PLA2G2F: variants seen among roughly 807,000 people sequenced by gnomAD.
PLA2G2F encodes group IIF secretory phospholipase A2.
In PLA2G2F, 17 loss-of-function variants were observed where a neutral mutation model predicts 15.9. That is an observed-to-expected ratio of 1.07 (90% CI 0.73 to 1.60). The LOEUF (loss-of-function observed/expected upper bound fraction) is 1.60. PLA2G2F is among the 40% of genes most tolerant of loss of function. The pLI is 0.00. For missense variants in PLA2G2F, 299 were observed against 278.2 expected (o/e 1.07, Z -0.53); for synonymous variants, 119 against 106.5 (o/e 1.12, Z -0.72).
chr1:20,146,588 C>A (rs1222838400), intron 4 of PLA2G2F, among the ~76,000 whole-genome samples: 1 of 152,216 alleles, frequency 6.6e-6, no homozygotes, highest in Non-Finnish European at 1.5e-5. Flanking sequence ...TGGGCAACCA[C>A]TGGGCCCTCT....
At chr1:20,146,921 C>T (rs1034553401) in intron 4 of PLA2G2F, among the ~76,000 whole-genome samples, 12 of 152,144 alleles carry the variant, frequency 7.9e-5, no homozygotes, top group African/African-American at 2.4e-4. Context: ...TTCTGGGAAT[C>T]CCTGGGGCCA....
Position 20,148,330 on chromosome 1 carries a change from A to T in PLA2G2F, c.565A>T (p.Ser189Cys), listed in dbSNP as rs1381172385. ...VYCQGPTPNCSIYEPPPEEVT... is the reference protein window; with the variant it reads ...VYCQGPTPNCCIYEPPPEEVT... ...CTGCCAGGGCCCCACGCCCAACTGC[A>T]GCATCTATGAACCGCCCCCTGAGGA... The change falls in exon 5 of 5, where the codon AGC (serine) becomes TGC (cysteine). Residue 189 changes from serine (S) to cysteine (C), a missense_variant. Physicochemically the swap from Ser to Cys is moderately radical, Grantham distance 112. Coordinates refer to ENST00000375102, the MANE Select transcript of PLA2G2F (RefSeq NM_022819.4). 2 of 1,613,896 alleles carry T rather than the reference A, an allele frequency of 1.2e-6. No homozygotes were observed. The highest frequency in any genetic ancestry group is 2.7e-5 in the African/African-American group (2 of 74,854).
Position 20,139,993 on chromosome 1 carries a change from G to A in PLA2G2F, c.117-173G>A, listed in dbSNP as rs573280808. ...CTCCTGGCTCTGCCATCTGGGGTGCGCTCCTCCAGGAGGGGCTGGGCAGGT... is the reference window on the plus strand; with the variant it reads ...CTCCTGGCTCTGCCATCTGGGGTGCACTCCTCCAGGAGGGGCTGGGCAGGT... On this transcript the variant is annotated intron_variant, in intron 1 of 4. Coordinates refer to ENST00000375102, the MANE Select transcript of PLA2G2F (RefSeq NM_022819.4). Among the ~76,000 whole-genome samples the A allele has an allele frequency of 5.3e-5, 8 of 152,184 alleles. No homozygotes were observed. In the South Asian group the frequency reaches 1.0e-3, roughly 20 times the overall value.
In PLA2G2F at chr1:20,148,337, A is replaced by G. The variant is rs2100697947; in HGVS notation, c.572A>G (p.Tyr191Cys). 2 of 1,613,948 alleles carry G rather than the reference A, an allele frequency of 1.2e-6. No individual in the cohort carries two copies. Among genetic ancestry groups the G allele is most frequent in the South Asian group, 2.2e-5 (2 of 91,068 alleles). ...GGCCCCACGCCCAACTGCAGCATCT[A>G]TGAACCGCCCCCTGAGGAGGTCACC... ...CQGPTPNCSI[Y>C]EPPPEEVTCS... The change falls in exon 5 of 5, where the codon TAT becomes TGT. Residue 191 changes from tyrosine (Y) to cysteine (C), a missense_variant. Physicochemically the swap from Tyr to Cys is radical, Grantham distance 194 (BLOSUM62 -2). Coordinates refer to ENST00000375102, the MANE Select transcript of PLA2G2F (RefSeq NM_022819.4).
intron 4 of PLA2G2F, among the ~76,000 whole-genome samples, chr1:20,146,631 T>G (rs1251656227): frequency 6.6e-6 from 1 of 152,248 alleles, no homozygotes; most frequent in East Asian, 1.9e-4. Flanking sequence ...TGGTACCAGT[T>G]GTTGCTTATT....
At chr1:20,147,360 T>C (rs2017634113) in intron 4 of PLA2G2F, among the ~76,000 whole-genome samples, 1 of 152,176 alleles carries the variant, frequency 6.6e-6, no homozygotes, top group African/African-American at 2.4e-5. Flanking sequence ...ACAGTAGCAT[T>C]TGCCCTGGAT....
chr1:20,147,368 G>T (rs2017634218), intron 4 of PLA2G2F, among the ~76,000 whole-genome samples: 1 of 152,050 alleles, frequency 6.6e-6, no homozygotes, highest in African/African-American at 2.4e-5. Flanking sequence ...ATTTGCCCTG[G>T]ATTAGGCATG....
In PLA2G2F at chr1:20,148,177, C is replaced by T. The variant is rs991481457; in HGVS notation, c.425-13C>T. 1.2e-6 allele frequency: 2 copies of T among 1,611,950 alleles called. No individual in the cohort carries two copies. Among genetic ancestry groups the T allele is most frequent in the African/African-American group, 2.7e-5 (2 of 74,854 alleles). On this transcript the variant is annotated splice_polypyrimidine_tract_variant and intron_variant, in intron 4 of 4. Coordinates refer to ENST00000375102, the MANE Select transcript of PLA2G2F (RefSeq NM_022819.4). The stretch of plus-strand genomic sequence containing the variant: ...CTTTCATCCACAGCCTTTGCCACCC[C>T]ATCCCCCTGTAGGTGACCTCAACAA...
rs553024352 is a variant in PLA2G2F, at chr1:20,140,030, C to A, written c.117-136C>A. 1.2e-5 allele frequency: 11 copies of A among 914,716 alleles called. 2 individuals are homozygous for A. The highest frequency in any genetic ancestry group is 9.9e-5 in the South Asian group (6 of 60,676). The allele number at this position is 914,716 out of a possible 1,614,324, so 56.7% of individuals were successfully genotyped here. A position where few individuals can be genotyped will look rare whatever the true frequency, so the allele number is the denominator to read the frequency against. On this transcript the variant is annotated intron_variant, in intron 1 of 4. Coordinates refer to ENST00000375102, the MANE Select transcript of PLA2G2F (RefSeq NM_022819.4). ...GGGGCTGGGCAGGTACTGATGACAGCGCTAGGAGCAGCAACTAGGACATCA... is the reference window on the plus strand; with the variant it reads ...GGGGCTGGGCAGGTACTGATGACAGAGCTAGGAGCAGCAACTAGGACATCA...
intron 3 of PLA2G2F, chr1:20,143,988 G>C (rs959726020): frequency 5.2e-6 from 1 of 190,864 alleles, no homozygotes; most frequent in Non-Finnish European, 1.1e-5. Context: ...GCTCCCAGCA[G>C]CCATGGCTTG....
Position 20,143,563 on chromosome 1 carries a change from G to T in PLA2G2F, c.287G>T (p.Arg96Leu). ...GYGCYCGLGG[R>L]GQPKDEVDWC... ...GGTTGCTACTGTGGGCTGGGGGGCC[G>T]TGGCCAGCCCAAGGATGAGGTGGAC... is the stretch of plus-strand genomic sequence containing the variant. The change falls in exon 3 of 5, where the codon CGT (arginine) becomes CTT (leucine). Residue 96 changes from arginine (R) to leucine (L), a missense_variant. Coordinates refer to ENST00000375102, the MANE Select transcript of PLA2G2F (RefSeq NM_022819.4). 1 of 1,613,970 alleles carries T rather than the reference G, an allele frequency of 6.2e-7. No homozygotes were observed. The highest frequency in any genetic ancestry group is 8.5e-7 in the Non-Finnish European group (1 of 1,179,908).
chr1:20,143,931 C>T (rs1007692404), intron 3 of PLA2G2F: 3 of 223,880 alleles, frequency 1.3e-5, no homozygotes, highest in African/African-American at 6.8e-5. Context: ...CTGCCTCACA[C>T]TGGAGGCTCT....
At position 20,148,301 on chromosome 1, in the gene PLA2G2F, T is replaced by G. The variant is rs142795784; in HGVS notation, c.536T>G (p.Val179Gly). Reference sequence around the variant, plus strand: ...GAGGAGTACCGTGGCTTCCTCAATGTCTACTGCCAGGGCCCCACGCCCAAC... The same window carrying G: ...GAGGAGTACCGTGGCTTCCTCAATGGCTACTGCCAGGGCCCCACGCCCAAC... Reference protein sequence around the residue: ...YREEYRGFLNVYCQGPTPNCS... With the variant: ...YREEYRGFLNGYCQGPTPNCS... The change falls in exon 5 of 5, where the codon GTC becomes GGC. Residue 179 changes from valine to glycine, a missense_variant. Transcript: ENST00000375102. The G allele has an allele frequency of 4.2e-4, 670 of 1,613,956 alleles. 1 individual carries two copies. Among genetic ancestry groups the G allele is most frequent in the Non-Finnish European group, 5.3e-4 (629 of 1,179,952 alleles).
chr1:20,144,280 G>A (rs1241103440), intron 3 of PLA2G2F, among the ~76,000 whole-genome samples: 1 of 152,204 alleles, frequency 6.6e-6, no homozygotes, highest in African/African-American at 2.4e-5. Flanking sequence ...CACTGCTGCA[G>A]CCGGGGCTCT....
chr1:20,140,887 C>G (rs1413466001), intron 2 of PLA2G2F: 1 of 152,168 alleles, frequency 6.6e-6, no homozygotes, highest in South Asian at 2.1e-4. Context: ...TTGACACAGA[C>G]CTGACCCTGC....
In PLA2G2F at chr1:20,148,228, ATG is replaced by A. The variant is rs759734124; in HGVS notation, c.468_469del (p.Cys156Ter). 4 of 1,613,874 alleles carry A rather than the reference ATG, an allele frequency of 2.5e-6. No individual in the cohort carries two copies. The African/African-American group carries it at 4.0e-5, about 16-fold the overall frequency. On this transcript the variant is annotated frameshift_variant, in exon 5 of 5. Transcript: ENST00000375102. LOFTEE classifies it low-confidence loss of function (END_TRUNC). Reference protein sequence around the residue: ...NKTECDKQTCMCDKNMVLCLM... With the variant: ...NKTECDKQTCXCDKNMVLCLM... ...GACAGAGTGTGACAAGCAGACATGC[ATG>A]TGTGACAAGAACATGGTTCTGTGCC...
intron 2 of PLA2G2F, chr1:20,143,061 T>G (rs1006923052): frequency 1.8e-5 from 3 of 163,468 alleles, no homozygotes; most frequent in African/African-American, 7.2e-5. Flanking sequence ...AGTTACTAAA[T>G]GCACTGGGCC....
intron 1 of PLA2G2F, 89 bp from the exon 2 acceptor site, chr1:20,140,077 T>G: frequency 7.4e-7 from 1 of 1,359,612 alleles, no homozygotes; most frequent in Non-Finnish European, 1.0e-6. Flanking sequence ...TGATGACACC[T>G]GTCCTGAGGC....
intron 4 of PLA2G2F, among the ~76,000 whole-genome samples, 178 bp downstream of exon 4, chr1:20,144,867 A>G (rs890994544): frequency 6.6e-6 from 1 of 152,206 alleles, no homozygotes; most frequent in Non-Finnish European, 1.5e-5. Context: ...ACTTGAGGTC[A>G]GGAGTTCGAG....
Sources: gnomAD v4.1 joint callset for allele counts (sites outside exome capture counted in the v4.1 genomes callset) on GRCh38, gnomAD v4.1.1 for gene constraint, MANE v1.5 for transcripts, NCBI Gene and HGNC (gene_info 2026-07-23, HGNC 2026-07-21) for gene names.